NCLN: variants seen among roughly 807,000 people sequenced by gnomAD.
The protein encoded by NCLN is BOS complex subunit NCLN.
Under a neutral mutation model 69.5 loss-of-function variants are expected in NCLN, and 34 were observed. The observed-to-expected ratio is 0.49, with a 90% CI of 0.37 to 0.65. The LOEUF (loss-of-function observed/expected upper bound fraction) is 0.65. Ranked by LOEUF, NCLN falls within the 30% of genes least tolerant of loss-of-function variation. The pLI, the probability that NCLN is intolerant of heterozygous loss-of-function variation, is 0.00. For missense variants in NCLN, 710 were observed against 804.8 expected, an observed-to-expected ratio of 0.88 and a Z score of 1.42; for synonymous variants, 393 against 358.3, an observed-to-expected ratio of 1.10 and a Z score of -1.09.
In NCLN at chr19:3,207,640, C is replaced by T; in HGVS notation, c.1644C>T (p.Leu548=). 2 of 1,613,008 alleles carry T rather than the reference C, an allele frequency of 1.2e-6. No individual in the cohort carries two copies. The highest frequency in any genetic ancestry group is 1.7e-6 in the Non-Finnish European group (2 of 1,179,900). The change falls in exon 15 of 15, where the codon CTC becomes CTT. Residue 548 remains leucine, a synonymous_variant. Coordinates refer to ENST00000246117, the MANE Select transcript of NCLN (RefSeq NM_020170.4). Reference sequence around the variant, plus strand: ...TGCTGTGTCCCCAGCACTTCAGCCTCCTCTACAAGACCGTCCAGAGGCTGC... The same window carrying T: ...TGCTGTGTCCCCAGCACTTCAGCCTTCTCTACAAGACCGTCCAGAGGCTGC... ...MAYVAVQHFS[L]LYKTVQRLLV...
At chr19:3,203,674 TG>T in intron 6 of NCLN, 81 bp from the exon 7 acceptor site, 1 of 1,281,152 alleles carries the variant, frequency 7.8e-7, no homozygotes, top group Non-Finnish European at 1.1e-6. Flanking sequence ...ATACCCTTCC[TG>T]GGGGACCTGT....
intron 3 of NCLN, among the ~76,000 whole-genome samples, chr19:3,195,431 A>G (rs1474152060): frequency 1.3e-5 from 2 of 151,766 alleles, no homozygotes; most frequent in Non-Finnish European, 2.9e-5. Context: ...TTGTATTTTT[A>G]GTAGAGACGG....
At chr19:3,186,328 C>G (rs1471686339) in intron 1 of NCLN, 114 bp downstream of exon 1, 1 of 1,199,992 alleles carries the variant, frequency 8.3e-7, no homozygotes, top group Non-Finnish European at 1.1e-6. Flanking sequence ...GACCCATGCT[C>G]AGGCCCCAGG....
At chr19:3,204,191 A>G in intron 8 of NCLN, 47 bp downstream of exon 8, 1 of 1,475,266 alleles carries the variant, frequency 6.8e-7, no homozygotes, top group Non-Finnish European at 8.9e-7. Context: ...CGGAGCACAC[A>G]CATCGGGGCC....
rs1916320445 is a variant in NCLN at position 3,207,947 on chromosome 19, T to TG, written c.*260dup. Reference sequence around the variant, plus strand: ...ACGTCCCGGGGCCAGGCTACGGACTTGCGGACGAGCCCCCCAGTCCTGGGA... The same window carrying TG: ...ACGTCCCGGGGCCAGGCTACGGACTTGGCGGACGAGCCCCCCAGTCCTGGGA... On this transcript the variant is annotated 3_prime_UTR_variant, in exon 15 of 15. Transcript: ENST00000246117. The TG allele has an allele frequency of 6.0e-6, 3 of 497,516 alleles. No individual in the cohort carries two copies. The highest frequency in any genetic ancestry group is 5.8e-5 in the African/African-American group (3 of 51,558). 30.8% of individuals were successfully genotyped at this position (497,516 alleles called of 1,614,324 possible).
chr19:3,204,062 G>T lies in NCLN; in HGVS notation c.947G>T (p.Arg316Leu). 2.6e-6 allele frequency: 4 copies of T among 1,565,344 alleles called. No homozygotes were observed. The highest frequency in any genetic ancestry group is 3.5e-6 in the Non-Finnish European group (4 of 1,155,326). ...AFVLCLDTVG[R>L]GSSLHLHVSK... ...GTGCTGTGCCTGGACACCGTGGGCC[G>T]GGGCAGCAGCCTGCACCTGCACGTG... Residue 316 changes from arginine to leucine, a missense_variant, in exon 8 of 15, where the codon CGG (arginine) becomes CTG (leucine). Coordinates refer to ENST00000246117, the MANE Select transcript of NCLN (RefSeq NM_020170.4).
intron 12 of NCLN, 28 bp downstream of exon 12, chr19:3,206,453 G>A (rs896769095): frequency 9.3e-5 from 143 of 1,536,162 alleles, no homozygotes; most frequent in Non-Finnish European, 1.2e-4. Context: ...CGCTGGCCCC[G>A]TTCAGCCTGG....
intron 3 of NCLN, among the ~76,000 whole-genome samples, chr19:3,194,243 C>T (rs1242761992): frequency 5.9e-5 from 9 of 152,144 alleles, no homozygotes; most frequent in African/African-American, 2.2e-4. Context: ...GTTAGCCGGG[C>T]GCGGTGGCAG....
Position 3,205,906 on chromosome 19 carries a change from C to T in NCLN, c.1209-33C>T. 1 of 1,609,056 alleles carries T rather than the reference C, an allele frequency of 6.2e-7. No homozygotes were observed. Among genetic ancestry groups the T allele is most frequent in the South Asian group, 1.1e-5 (1 of 90,960 alleles). ...GAGCTACCTTGCCTGGCCCAAAGTC[C>T]ACATTTTAAAACATTGTTTTTGAAT... On this transcript the variant is annotated intron_variant, in intron 9 of 14. Coordinates refer to ENST00000246117, the MANE Select transcript of NCLN (RefSeq NM_020170.4). The surrounding 1 kb of genome is among the most constrained non-coding windows in gnomAD (Gnocchi z 4.6).
chr19:3,203,666 A>G, intron 6 of NCLN, 90 bp from the exon 7 acceptor site: 2 of 1,191,256 alleles, frequency 1.7e-6, no homozygotes, highest in Non-Finnish European at 2.4e-6. Flanking sequence ...AGACCTTCAT[A>G]CCCTTCCTGG....
chr19:3,191,030 G>A lies in NCLN; in HGVS notation c.185-1440G>A, dbSNP rs145066775. ...GTGTGTGGCGGGCAGCAGGGAGATC[G>A]TCGTGGTGCGTGGCGGGCAGCAGGG... On this transcript the variant is annotated intron_variant, in intron 1 of 14. Coordinates refer to ENST00000246117, the MANE Select transcript of NCLN (RefSeq NM_020170.4). Among the ~76,000 whole-genome samples, 302 of 145,040 alleles carry A rather than the reference G, an allele frequency of 2.1e-3. 1 individual carries two copies. The highest frequency in any genetic ancestry group is 7.7e-3 in the African/African-American group (293 of 38,084).
Position 3,195,747 on chromosome 19 carries a change from C to T in NCLN, c.521-436C>T, listed in dbSNP as rs535776738. 1.1e-4 allele frequency among the ~76,000 whole-genome samples: 16 copies of T among 152,044 alleles called. No homozygotes were observed. In the South Asian group the frequency reaches 2.1e-3, roughly 20 times the overall value. Reference sequence around the variant, plus strand: ...TAGAGGCTGCAGTGAGCCATGTTTGCGTCACTGTACTCCAGCCTGGGTGAC... The same window carrying T: ...TAGAGGCTGCAGTGAGCCATGTTTGTGTCACTGTACTCCAGCCTGGGTGAC... On this transcript the variant is annotated intron_variant, in intron 3 of 14. Coordinates refer to ENST00000246117, the MANE Select transcript of NCLN (RefSeq NM_020170.4).
chr19:3,189,350 C>T (rs1265073611), intron 1 of NCLN, among the ~76,000 whole-genome samples: 3 of 152,248 alleles, frequency 2.0e-5, no homozygotes, highest in Non-Finnish European at 2.9e-5. Flanking sequence ...CAGCTAACTG[C>T]AGCCTGTAGG....
chr19:3,197,047 C>G (rs1413591629), intron 4 of NCLN, among the ~76,000 whole-genome samples: 2 of 152,232 alleles, frequency 1.3e-5, no homozygotes, highest in African/African-American at 4.8e-5. Context: ...CCCCGGCTCC[C>G]CATAGACAGG....
rs1434903687 is a variant in NCLN, at chr19:3,192,564, C to T, written c.279C>T (p.Ser93=). 6.2e-7 allele frequency: 1 copy of T among 1,610,062 alleles called. No individual in the cohort carries two copies. Among genetic ancestry groups the T allele is most frequent in the African/African-American group, 1.3e-5 (1 of 74,778 alleles). The change falls in exon 2 of 15, where the codon TCC becomes TCT. Residue 93 remains serine (S), a synonymous_variant. Coordinates refer to ENST00000246117, the MANE Select transcript of NCLN (RefSeq NM_020170.4). Reference sequence around the variant, plus strand: ...TGCTCATGCGGCTACTGGACTTCTCCTACGAGCAGTACCAGAAGGCCCTGC... The same window carrying T: ...TGCTCATGCGGCTACTGGACTTCTCTTACGAGCAGTACCAGAAGGCCCTGC... ...RCVLMRLLDF[S]YEQYQKALRQ...
In NCLN at chr19:3,201,512, C is replaced by T. The variant is rs370999057; in HGVS notation, c.697-11C>T. The T allele has an allele frequency of 5.6e-5, 86 of 1,543,794 alleles. No individual in the cohort carries two copies. In the African/African-American group the frequency reaches 8.1e-4, roughly 15 times the overall value. The stretch of plus-strand genomic sequence containing the variant: ...GGGGTGACTGTGGCCTTGCCTCTCC[C>T]GTCCCTGTAGTGGCTGTCGCTGGGC... On this transcript the variant is annotated splice_polypyrimidine_tract_variant and intron_variant, in intron 5 of 14. Coordinates refer to ENST00000246117, the MANE Select transcript of NCLN (RefSeq NM_020170.4).
At chr19:3,204,533 A>T in intron 8 of NCLN, 40 bp from the exon 9 acceptor site, 1 of 1,490,362 alleles carries the variant, frequency 6.7e-7, no homozygotes, top group South Asian at 1.3e-5. Context: ...GGTGGCCGCC[A>T]TCCCCGCCTG....
At chr19:3,203,286 C>A (rs1916172668) in intron 6 of NCLN, among the ~76,000 whole-genome samples, 1 of 150,702 alleles carries the variant, frequency 6.6e-6, no homozygotes, top group East Asian at 1.9e-4. Flanking sequence ...CCAGCCTGGG[C>A]AGAAAGAGCG....
chr19:3,190,408 G>A (rs1915788319), intron 1 of NCLN, among the ~76,000 whole-genome samples: 2 of 152,076 alleles, frequency 1.3e-5, no homozygotes, highest in South Asian at 4.1e-4. Flanking sequence ...CCTGAGACCT[G>A]TGTCCCGCCT....
Sources: allele counts gnomAD v4.1 joint callset (sites outside exome capture counted in the v4.1 genomes callset), GRCh38; gene constraint gnomAD v4.1.1; non-coding constraint Gnocchi (gnomAD v3.1); transcripts MANE v1.5; gene names NCBI Gene and HGNC (gene_info 2026-07-23, HGNC 2026-07-21).